The following NR2F1-AS1 variants were observed in gnomAD, a reference collection of about 807,000 sequenced individuals.
NR2F1-AS1 encodes the protein NR2F1 antisense RNA 1.
chr5:93,540,537 C>T (rs1003201940), intron 4 of NR2F1-AS1, among the ~76,000 whole-genome samples: 6 of 152,128 alleles, frequency 3.9e-5, no homozygotes, highest in African/African-American at 1.4e-4. Context: ...TTCTGACATT[C>T]CAGCACTAAA....
intron 4 of NR2F1-AS1, among the ~76,000 whole-genome samples, chr5:93,439,327 G>A (rs914835278): frequency 1.3e-5 from 2 of 152,078 alleles, no homozygotes; most frequent in African/African-American, 4.8e-5. Context: ...ACGGAGTCTC[G>A]CTGTCACCCA....
intron 4 of NR2F1-AS1, among the ~76,000 whole-genome samples, chr5:93,475,123 CAAA>C (rs575698972): frequency 1.2e-4 from 8 of 65,070 alleles, no homozygotes; most frequent in South Asian, 5.5e-4. Flanking sequence ...GACTCCATCT[CAAA>C]AAAAAAAAAA....
intron 4 of NR2F1-AS1, among the ~76,000 whole-genome samples, chr5:93,530,481 A>G (rs1751713911): frequency 6.6e-6 from 1 of 152,152 alleles, no homozygotes; most frequent in Non-Finnish European, 1.5e-5. Flanking sequence ...TAGGCCCTAG[A>G]GAGTTCCCAC....
intron 4 of NR2F1-AS1, among the ~76,000 whole-genome samples, chr5:93,486,599 T>G (rs976346176): frequency 1.3e-5 from 2 of 152,132 alleles, no homozygotes; most frequent in Non-Finnish European, 2.9e-5. Flanking sequence ...GCAGCAATAA[T>G]TAATAGCCTA....
At chr5:93,425,565 T>C (rs2149844378) in intron 4 of NR2F1-AS1, among the ~76,000 whole-genome samples, 1 of 152,288 alleles carries the variant, frequency 6.6e-6, no homozygotes, top group Middle Eastern at 3.4e-3. Flanking sequence ...ATCAACCAAC[T>C]CTTACCATCC....
chr5:93,487,721 T>C (rs1262162963), intron 4 of NR2F1-AS1, among the ~76,000 whole-genome samples: 2 of 152,200 alleles, frequency 1.3e-5, no homozygotes, highest in Admixed American at 6.5e-5. Flanking sequence ...ATTGACTTTC[T>C]TCACAGAATT....
At chr5:93,562,234 A>G (rs1203437970) in intron 2 of NR2F1-AS1, among the ~76,000 whole-genome samples, 3 of 151,892 alleles carry the variant, frequency 2.0e-5, no homozygotes, top group Non-Finnish European at 4.4e-5. Context: ...ATAATAAGAT[A>G]AAGTTAGCAA....
intron 2 of NR2F1-AS1, among the ~76,000 whole-genome samples, chr5:93,562,585 T>C (rs1297416586): frequency 3.9e-5 from 6 of 152,260 alleles, no homozygotes; most frequent in East Asian, 1.9e-4. Context: ...TGAGCCACCA[T>C]ACCCAGCCTC....
At chr5:93,566,844 T>A (rs1402960716) in intron 1 of NR2F1-AS1, among the ~76,000 whole-genome samples, 1 of 152,002 alleles carries the variant, frequency 6.6e-6, no homozygotes, top group Non-Finnish European at 1.5e-5. Flanking sequence ...ACATCTGAGT[T>A]GTCTAATAGA....
At chr5:93,570,100 AAC>A (rs1752716384) in intron 1 of NR2F1-AS1, 1 of 152,176 alleles carries the variant, frequency 6.6e-6, no homozygotes, top group Non-Finnish European at 1.5e-5. Context: ...CTCTTAAGAT[AAC>A]AGTCTCCCAA....
intron 4 of NR2F1-AS1, among the ~76,000 whole-genome samples, chr5:93,552,481 C>G (rs1385167765): frequency 6.6e-6 from 1 of 152,090 alleles, no homozygotes; most frequent in East Asian, 1.9e-4. Flanking sequence ...CCAGAAGCCT[C>G]TTTCAAAAAC....
intron 4 of NR2F1-AS1, among the ~76,000 whole-genome samples, chr5:93,500,808 T>A (rs1170480753): frequency 6.6e-6 from 1 of 151,962 alleles, no homozygotes; most frequent in Non-Finnish European, 1.5e-5. Context: ...CCCAGCAAAT[T>A]TTTTGTATTT....
chr5:93,415,652 T>C (rs1203069847), intron 4 of NR2F1-AS1, among the ~76,000 whole-genome samples: 2 of 152,218 alleles, frequency 1.3e-5, no homozygotes, highest in Admixed American at 1.3e-4. Context: ...GATCCACTTG[T>C]ATTGGGCAGT....
intron 4 of NR2F1-AS1, among the ~76,000 whole-genome samples, chr5:93,517,119 G>A: frequency 6.6e-6 from 1 of 151,832 alleles, no homozygotes; most frequent in East Asian, 1.9e-4. Flanking sequence ...AAGTATGTTT[G>A]TCTTATTATC....
intron 4 of NR2F1-AS1, among the ~76,000 whole-genome samples, chr5:93,482,159 C>G (rs1284693009): frequency 6.6e-6 from 1 of 152,062 alleles, no homozygotes; most frequent in Non-Finnish European, 1.5e-5. Context: ...GGGTGGCTAG[C>G]AAGATGGCCA....
chr5:93,485,505 C>T (rs1282760671), intron 4 of NR2F1-AS1, among the ~76,000 whole-genome samples: 1 of 152,124 alleles, frequency 6.6e-6, no homozygotes, highest in Admixed American at 6.6e-5. Flanking sequence ...GAGGAGAAAG[C>T]AGGAAAGATC....
chr5:93,418,860 T>C (rs1232173647), intron 4 of NR2F1-AS1, among the ~76,000 whole-genome samples: 2 of 152,202 alleles, frequency 1.3e-5, no homozygotes, highest in African/African-American at 4.8e-5. Flanking sequence ...AAAAAGAATA[T>C]GGAGTTTCAC....
chr5:93,566,202 T>C (rs1045056331), intron 1 of NR2F1-AS1, among the ~76,000 whole-genome samples: 1 of 152,040 alleles, frequency 6.6e-6, no homozygotes, highest in Non-Finnish European at 1.5e-5. Context: ...ATTTACTGTA[T>C]ACTACCATAA....
intron 4 of NR2F1-AS1, among the ~76,000 whole-genome samples, chr5:93,503,160 A>G (rs930172125): frequency 2.6e-5 from 4 of 152,212 alleles, no homozygotes; most frequent in Non-Finnish European, 5.9e-5. Context: ...AAGTAAAATG[A>G]AATAAACTAA....
Sources: allele counts gnomAD v4.1 joint callset (sites outside exome capture counted in the v4.1 genomes callset), GRCh38; gene constraint gnomAD v4.1.1; transcripts MANE v1.5; gene names NCBI Gene and HGNC (gene_info 2026-07-23, HGNC 2026-07-21).